The following STXBP5L variants were observed in gnomAD, a reference collection of about 807,000 sequenced individuals.
The protein encoded by STXBP5L is syntaxin binding protein 5L.
A neutral mutation model predicts 144.5 loss-of-function variants in STXBP5L; 65 were observed. The observed-to-expected ratio is 0.45, with a 90% CI of 0.37 to 0.55. STXBP5L has a LOEUF of 0.55. STXBP5L is among the 20% of genes least tolerant of loss of function. The probability of loss-of-function intolerance (pLI) is 0.00; values close to 1 mark genes in which losing one functional copy is unlikely to be tolerated. For missense variants in STXBP5L, 1,298 were observed against 1,405.5 expected (o/e 0.92, Z 1.22); for synonymous variants, 505 against 469.6 (o/e 1.08, Z -0.97).
intron 8 of STXBP5L, 92 bp downstream of exon 8, chr3:121,152,652 C>A: frequency 1.1e-6 from 1 of 923,906 alleles, no homozygotes; most frequent in Non-Finnish European, 1.6e-6. Context: ...GTATGTTTAG[C>A]CTTGGAAAGT....
intron 9 of STXBP5L, among the ~76,000 whole-genome samples, chr3:121,200,969 G>A (rs1378463235): frequency 6.6e-6 from 1 of 152,176 alleles, no homozygotes; most frequent in Non-Finnish European, 1.5e-5. Context: ...GTTGATTTGT[G>A]GTGGAGAGTT....
chr3:121,313,122 G>A (rs1367296422), intron 19 of STXBP5L, among the ~76,000 whole-genome samples: 1 of 139,938 alleles, frequency 7.1e-6, no homozygotes, highest in South Asian at 2.4e-4. Flanking sequence ...AGACGGGGCG[G>A]CTGGCCAGGC....
chr3:121,275,474 C>A (rs1010341373), intron 18 of STXBP5L, among the ~76,000 whole-genome samples: 2 of 152,016 alleles, frequency 1.3e-5, no homozygotes, highest in African/African-American at 2.4e-5. Context: ...TAAATTTATT[C>A]ATATGTATTT....
chr3:121,241,891 A>G (rs1369966138), intron 14 of STXBP5L, among the ~76,000 whole-genome samples: 2 of 152,226 alleles, frequency 1.3e-5, no homozygotes, highest in Non-Finnish European at 2.9e-5. Context: ...GGAAAGCCAC[A>G]GTAGAGAAAT....
intron 19 of STXBP5L, among the ~76,000 whole-genome samples, chr3:121,283,890 TGTGC>T (rs869187002): frequency 7.4e-6 from 1 of 134,976 alleles, no homozygotes; most frequent in East Asian, 2.0e-4. Context: ...CATTTGTGTG[TGTGC>T]TTGTGTGTGT....
intron 5 of STXBP5L, among the ~76,000 whole-genome samples, chr3:121,088,152 G>C (rs998704758): frequency 6.7e-6 from 1 of 149,360 alleles, no homozygotes; most frequent in Non-Finnish European, 1.5e-5. Flanking sequence ...GAGTGAACAG[G>C]CAAACTACAA....
chr3:121,036,994 A>T (rs1469666224), intron 3 of STXBP5L, among the ~76,000 whole-genome samples: 1 of 151,950 alleles, frequency 6.6e-6, no homozygotes, highest in East Asian at 1.9e-4. Context: ...TGGCATGGTC[A>T]TAGCTCACTA....
chr3:120,964,423 A>G (rs1939292440), intron 3 of STXBP5L, among the ~76,000 whole-genome samples: 1 of 151,706 alleles, frequency 6.6e-6, no homozygotes, highest in Admixed American at 6.6e-5. Context: ...TGCTATACAT[A>G]CCCTCTATAC....
intron 9 of STXBP5L, among the ~76,000 whole-genome samples, chr3:121,184,782 A>G (rs1336578901): frequency 6.6e-6 from 1 of 152,166 alleles, no homozygotes; most frequent in African/African-American, 2.4e-5. Flanking sequence ...CCAAGGTTGA[A>G]ATGAAAGAAA....
intron 3 of STXBP5L, among the ~76,000 whole-genome samples, chr3:121,038,912 A>G (rs1442807832): frequency 1.3e-5 from 2 of 151,844 alleles, no homozygotes; most frequent in East Asian, 1.9e-4. Context: ...CTTTCCACCT[A>G]TATCTTAATT....
chr3:121,200,445 A>AT (rs1180292505), intron 9 of STXBP5L, among the ~76,000 whole-genome samples: 2 of 152,100 alleles, frequency 1.3e-5, no homozygotes, highest in Admixed American at 6.6e-5. Flanking sequence ...GGATTCATTG[A>AT]TTTTTTGAAG....
intron 3 of STXBP5L, among the ~76,000 whole-genome samples, chr3:121,016,723 C>T (rs1353037361): frequency 6.6e-6 from 1 of 152,122 alleles, no homozygotes; most frequent in Non-Finnish European, 1.5e-5. Context: ...CATAATGTAG[C>T]AAACTCACAT....
intron 19 of STXBP5L, chr3:121,282,468 G>T (rs1171133120): frequency 4.7e-6 from 3 of 642,764 alleles, no homozygotes; most frequent in African/African-American, 1.8e-5. Context: ...TTTTGTTATG[G>T]TGTGCAACCT....
intron 3 of STXBP5L, among the ~76,000 whole-genome samples, chr3:121,018,326 T>C (rs938187392): frequency 6.6e-6 from 1 of 152,132 alleles, no homozygotes; most frequent in African/African-American, 2.4e-5. Flanking sequence ...AGTCTTATTA[T>C]AAAGCTACAG....
At chr3:121,350,083 G>A (rs142403712) in intron 20 of STXBP5L, among the ~76,000 whole-genome samples, 5,421 of 152,224 alleles carry the variant, frequency 0.036, 153 homozygotes, top group Middle Eastern at 0.082. Flanking sequence ...GCATGTTTTT[G>A]CAGTGGCTGG....
chr3:121,214,699 T>G, intron 10 of STXBP5L, among the ~76,000 whole-genome samples: 1 of 152,166 alleles, frequency 6.6e-6, no homozygotes, highest in Non-Finnish European at 1.5e-5. Context: ...TGGTGCAGAG[T>G]TCTGTAGATG....
Position 121,419,987 on chromosome 3 carries a change from T to G in STXBP5L, c.*890T>G, listed in dbSNP as rs1378518174. 1 of 152,174 alleles carries G rather than the reference T, an allele frequency of 6.6e-6. No homozygotes were observed. The highest frequency in any genetic ancestry group is 1.5e-5 in the Non-Finnish European group (1 of 68,048). 9.4% of individuals were successfully genotyped at this position (152,174 alleles called of 1,614,324 possible). A position where few individuals can be genotyped will look rare whatever the true frequency, so the allele number is the denominator to read the frequency against. ...GAACTGACTTCACAAAAAGGGAAAT[T>G]TCACACACCCCAATTTCAGCTTCTA... On this transcript the variant is annotated 3_prime_UTR_variant, in exon 27 of 27. Transcript: ENST00000471454.
rs532841712 is a variant in STXBP5L at position 120,965,188 on chromosome 3, G to A, written c.287+10151G>A. 3.3e-5 allele frequency among the ~76,000 whole-genome samples: 5 copies of A among 152,198 alleles called. No individual in the cohort carries two copies. In the South Asian group the frequency reaches 1.0e-3, roughly 32 times the overall value. Reference sequence around the variant, plus strand: ...CTATGTGTGTCTTTGCATATGAGATGGGTTTCCTGAATACAGCACACTGAT... The same window carrying A: ...CTATGTGTGTCTTTGCATATGAGATAGGTTTCCTGAATACAGCACACTGAT... On this transcript the variant is annotated intron_variant, in intron 3 of 26. Transcript: ENST00000471454.
intron 3 of STXBP5L, among the ~76,000 whole-genome samples, chr3:121,023,800 G>C (rs567263914): frequency 6.6e-6 from 1 of 152,160 alleles, no homozygotes; most frequent in African/African-American, 2.4e-5. Flanking sequence ...CCGTCGCCCA[G>C]GCTGGAGTGC....
Sources: gnomAD v4.1 joint callset for allele counts (sites outside exome capture counted in the v4.1 genomes callset) on GRCh38, gnomAD v4.1.1 for gene constraint, MANE v1.5 for transcripts, NCBI Gene and HGNC (gene_info 2026-07-23, HGNC 2026-07-21) for gene names.